GALNT10: variants seen among roughly 807,000 people sequenced by gnomAD.
The protein encoded by GALNT10 is GalNAc transferase 10.
Under a neutral mutation model 75.0 loss-of-function variants are expected in GALNT10, and 41 were observed. That is an observed-to-expected ratio of 0.55 (90% CI 0.43 to 0.71). GALNT10 has a LOEUF of 0.71. Among genes scored for constraint, GALNT10 ranks in the 30% least tolerant of loss-of-function variants. GALNT10 has a pLI of 0.00. For missense variants in GALNT10, 727 were observed against 818.5 expected (o/e 0.89, Z 1.36); for synonymous variants, 302 against 313.0 (o/e 0.96, Z 0.37).
chr5:154,356,426 G>T (rs1318143957), intron 4 of GALNT10: 6 of 292,454 alleles, frequency 2.1e-5, no homozygotes, highest in Admixed American at 4.7e-5. Flanking sequence ...TGGCAGGGCT[G>T]GGGGAGGGAG....
At position 154,409,662 on chromosome 5, in the gene GALNT10, C is replaced by T; in HGVS notation, c.1286C>T (p.Ser429Phe). The T allele has an allele frequency of 6.2e-7, 1 of 1,613,984 alleles. No homozygotes were observed. The highest frequency in any genetic ancestry group is 2.2e-5 in the East Asian group (1 of 44,876). Residue 429 changes from serine (S) to phenylalanine (F), a missense_variant, in exon 9 of 12, where the codon TCC becomes TTC. Ser to Phe is a radical substitution (Grantham distance 155). Transcript: ENST00000297107. This position sits in a 1 kb window ranked among gnomAD's most constrained non-coding sequence, Gnocchi z 4.5. ...GCAGTCCAGAAAAAGCTCCGCAGCT[C>T]CCTTAACTGCAAGAGTTTCAAGTGG... Reference protein sequence around the residue: ...DVAVQKKLRSSLNCKSFKWFM... With the variant: ...DVAVQKKLRSFLNCKSFKWFM...
chr5:154,209,694 C>T lies in GALNT10; in HGVS notation c.159+18669C>T, dbSNP rs537223944. 3.3e-5 allele frequency among the ~76,000 whole-genome samples: 5 copies of T among 152,332 alleles called. No individual in the cohort carries two copies. In the East Asian group the frequency reaches 9.6e-4, roughly 29 times the overall value. On this transcript the variant is annotated intron_variant, in intron 1 of 11. Transcript: ENST00000297107. Reference sequence around the variant, plus strand: ...ATCCCATTCACGATGGCTCCACCTTCATGACCTAATTACCTTCCAAAGGCC... The same window carrying T: ...ATCCCATTCACGATGGCTCCACCTTTATGACCTAATTACCTTCCAAAGGCC...
chr5:154,316,457 T>C (rs1013254870), intron 3 of GALNT10, among the ~76,000 whole-genome samples: 2 of 152,214 alleles, frequency 1.3e-5, no homozygotes, highest in Non-Finnish European at 2.9e-5. Flanking sequence ...TGCTTGTTGA[T>C]GGCAAGGCAC....
At chr5:154,382,544 T>C (rs1372904236) in intron 6 of GALNT10, among the ~76,000 whole-genome samples, 1 of 152,216 alleles carries the variant, frequency 6.6e-6, no homozygotes, top group Non-Finnish European at 1.5e-5. Flanking sequence ...CTGACCATTA[T>C]TGTGCATGAT....
rs1414428364 is a variant in GALNT10 at position 154,226,947 on chromosome 5, T to A, written c.159+35922T>A. ...AAATGGAATCATACGGTATGTACTC[T>A]TTAAAAAAAAAAAAACTTCCTTTTT... On this transcript the variant is annotated intron_variant, in intron 1 of 11. Coordinates refer to ENST00000297107, the MANE Select transcript of GALNT10 (RefSeq NM_198321.4). 2.0e-5 allele frequency among the ~76,000 whole-genome samples: 3 copies of A among 150,994 alleles called. No individual in the cohort carries two copies. In the East Asian group the frequency reaches 5.8e-4, roughly 29 times the overall value.
At chr5:154,311,752 G>A (rs552704966) in intron 3 of GALNT10, among the ~76,000 whole-genome samples, 45 of 152,016 alleles carry the variant, frequency 3.0e-4, no homozygotes, top group African/African-American at 1.1e-3. Flanking sequence ...CTGGGACTAT[G>A]GGCACACGCC....
intron 5 of GALNT10, among the ~76,000 whole-genome samples, chr5:154,379,315 A>G (rs931178135): frequency 6.6e-6 from 1 of 152,234 alleles, no homozygotes; most frequent in African/African-American, 2.4e-5. Flanking sequence ...GTTCATTACA[A>G]ATGCACTTAC....
At chr5:154,226,735 A>C (rs2113659678) in intron 1 of GALNT10, among the ~76,000 whole-genome samples, 1 of 152,292 alleles carries the variant, frequency 6.6e-6, no homozygotes, top group East Asian at 1.9e-4. Context: ...AAGTTTTCAC[A>C]TATCTATACA....
intron 1 of GALNT10, among the ~76,000 whole-genome samples, chr5:154,192,968 A>T (rs1774882220): frequency 6.6e-6 from 1 of 152,182 alleles, no homozygotes; most frequent in South Asian, 2.1e-4. Context: ...TCACTTGTGC[A>T]AGAGGGTATT....
At chr5:154,353,429 C>T (rs545042277) in intron 4 of GALNT10, among the ~76,000 whole-genome samples, 4 of 152,192 alleles carry the variant, frequency 2.6e-5, no homozygotes, top group South Asian at 4.1e-4. Context: ...AAAGGACTTT[C>T]GTCCTCAGCA....
Position 154,190,865 on chromosome 5 carries a change from C to A in GALNT10, c.-2C>A. On this transcript the variant is annotated 5_prime_UTR_variant, in exon 1 of 12. Coordinates refer to ENST00000297107, the MANE Select transcript of GALNT10 (RefSeq NM_198321.4). Reference sequence around the variant, plus strand: ...GGGGCGCGGCGGGGCTGACCGGCCCCGATGAGGCGGAAGGAGAAGCGGCTC... The same window carrying A: ...GGGGCGCGGCGGGGCTGACCGGCCCAGATGAGGCGGAAGGAGAAGCGGCTC... 1 of 1,359,368 alleles carries A rather than the reference C, an allele frequency of 7.4e-7. No individual in the cohort carries two copies. Among genetic ancestry groups the A allele is most frequent in the Non-Finnish European group, 9.6e-7 (1 of 1,046,422 alleles). The allele number at this position is 1,359,368 out of a possible 1,614,324, so 84.2% of individuals were successfully genotyped here.
At chr5:154,221,990 A>G (rs1255161707) in intron 1 of GALNT10, among the ~76,000 whole-genome samples, 5 of 152,088 alleles carry the variant, frequency 3.3e-5, no homozygotes, top group Non-Finnish European at 7.4e-5. Context: ...ATTACAATAA[A>G]CTGCACATTT....
intron 7 of GALNT10, among the ~76,000 whole-genome samples, chr5:154,390,204 C>T (rs573841543): frequency 5.8e-4 from 89 of 152,296 alleles, no homozygotes; most frequent in African/African-American, 2.1e-3. Flanking sequence ...CCCCTGACTC[C>T]GGGACACTGT....
intron 3 of GALNT10, among the ~76,000 whole-genome samples, chr5:154,314,530 C>A (rs571493801): frequency 6.6e-6 from 1 of 152,054 alleles, no homozygotes; most frequent in Non-Finnish European, 1.5e-5. Flanking sequence ...TTCTGATTGG[C>A]CTTTCAGGTT....
intron 1 of GALNT10, among the ~76,000 whole-genome samples, chr5:154,272,150 G>A (rs1402363826): frequency 6.6e-6 from 1 of 152,162 alleles, no homozygotes; most frequent in Non-Finnish European, 1.5e-5. Context: ...CTGGCCTCCA[G>A]GGCTGCCTCC....
chr5:154,365,397 GA>G (rs540696238), intron 4 of GALNT10, among the ~76,000 whole-genome samples: 1 of 152,040 alleles, frequency 6.6e-6, no homozygotes, highest in Non-Finnish European at 1.5e-5. Context: ...CTCATTTTCA[GA>G]AAAAAGGCCA....
In GALNT10 at chr5:154,199,842, G is replaced by A. The variant is rs143925597; in HGVS notation, c.159+8817G>A. 3.4e-3 allele frequency among the ~76,000 whole-genome samples: 516 copies of A among 152,330 alleles called. 4 individuals are homozygous for A. Among genetic ancestry groups the A allele is most frequent in the African/African-American group, 0.011 (477 of 41,562 alleles). ...CCCAGCTCTGCCACTTGCTGGCTCT[G>A]TGCCTGACCTCTGGGGCTTCCTGCT... On this transcript the variant is annotated intron_variant, in intron 1 of 11. Transcript: ENST00000297107.
At chr5:154,192,823 C>G (rs947576019) in intron 1 of GALNT10, among the ~76,000 whole-genome samples, 1 of 152,094 alleles carries the variant, frequency 6.6e-6, no homozygotes, top group African/African-American at 2.4e-5. Context: ...CATTCTGCCT[C>G]TGCTTGGAGA....
intron 4 of GALNT10, among the ~76,000 whole-genome samples, chr5:154,343,763 T>C (rs1326640251): frequency 6.6e-6 from 1 of 152,168 alleles, no homozygotes; most frequent in East Asian, 1.9e-4. Context: ...AGCCCTACTT[T>C]CCAGCATGTG....
Sources: gnomAD v4.1 joint callset for allele counts (sites outside exome capture counted in the v4.1 genomes callset) on GRCh38, gnomAD v4.1.1 for gene constraint, Gnocchi (gnomAD v3.1) non-coding constraint, MANE v1.5 for transcripts, NCBI Gene and HGNC (gene_info 2026-07-23, HGNC 2026-07-21) for gene names.